Variants in STEAP1B observed in about 807,000 individuals in gnomAD.
The protein encoded by STEAP1B is STEAP family member 1B.
STEAP1B carries 13 observed loss-of-function variants against 27.9 expected under a neutral mutation model. The observed-to-expected ratio is 0.47, with a 90% confidence interval of 0.30 to 0.74. STEAP1B has a LOEUF of 0.74. Ranked by LOEUF, STEAP1B falls within the 30% of genes least tolerant of loss-of-function variation. The pLI is 0.06. For missense variants in STEAP1B, 250 were observed against 298.7 expected (o/e 0.84, Z 1.20); for synonymous variants, 86 against 107.1 (o/e 0.80, Z 1.22).
At chr7:22,420,535 T>C (rs1223085133) in intron 4 of STEAP1B, among the ~76,000 whole-genome samples, 2 of 152,224 alleles carry the variant, frequency 1.3e-5, no homozygotes, top group African/African-American at 4.8e-5. Context: ...CCAGAGCAAT[T>C]GGTGAAGCTA....
chr7:22,454,864 TA>T (rs1418551165), intron 4 of STEAP1B, among the ~76,000 whole-genome samples: 1,330 of 65,756 alleles, frequency 0.02, 17 homozygotes, highest in Admixed American at 0.07. Flanking sequence ...TATATATATA[TA>T]TTTTTTTTTT....
At position 22,456,967 on chromosome 7, in the gene STEAP1B, TATATA is replaced by T. The variant is rs139153628; in HGVS notation, c.762+35593_762+35597del. Among the ~76,000 whole-genome samples the T allele has an allele frequency of 9.1e-3, 450 of 49,520 alleles. 44 individuals carry two copies. Among genetic ancestry groups the T allele is most frequent in the East Asian group, 0.02 (22 of 1,082 alleles). 32.5% of individuals were successfully genotyped at this position (49,520 alleles called of 152,430 possible). A position where few individuals can be genotyped will look rare whatever the true frequency, so the allele number is the denominator to read the frequency against. On this transcript the variant is annotated intron_variant, in intron 4 of 4. Transcript: ENST00000678116. Reference sequence around the variant, plus strand: ...GGATAGGCAGCTATATATATATATATATATATTTTTTTTTTTTTTAAGTATCCTGG... The same window carrying T: ...GGATAGGCAGCTATATATATATATATTTTTTTTTTTTTTTAAGTATCCTGG...
intron 4 of STEAP1B, among the ~76,000 whole-genome samples, chr7:22,463,244 AC>A (rs1486323945): frequency 1.3e-5 from 2 of 151,846 alleles, no homozygotes; most frequent in African/African-American, 4.8e-5. Flanking sequence ...AATCCAACTT[AC>A]AAGGGATGTG....
At chr7:22,482,260 G>A (rs1017920611) in intron 4 of STEAP1B, among the ~76,000 whole-genome samples, 6 of 152,132 alleles carry the variant, frequency 3.9e-5, no homozygotes, top group African/African-American at 1.4e-4. Context: ...TGATTTACTG[G>A]GGGTATGCTC....
At chr7:22,462,681 G>A (rs578025117) in intron 4 of STEAP1B, among the ~76,000 whole-genome samples, 162 of 148,914 alleles carry the variant, frequency 1.1e-3, no homozygotes, top group Admixed American at 1.7e-3. Flanking sequence ...GAATAATGCC[G>A]CAATAAACAT....
rs779574852 is a variant in STEAP1B, at chr7:22,494,900, A to C, written c.-31-14T>G. 5.6e-5 allele frequency: 71 copies of C among 1,274,694 alleles called. No homozygotes were observed. In the East Asian group the frequency reaches 1.7e-3, roughly 31 times the overall value. The allele number at this position is 1,274,694 out of a possible 1,614,324, so 79.0% of individuals were successfully genotyped here. On this transcript the variant is annotated splice_polypyrimidine_tract_variant and intron_variant, in intron 1 of 4. Transcript: ENST00000678116. ...GGCTTCAGCCACCTGTAAAAATAAA[A>C]ATAATTACTTTCATGTCTATTCTAC...
chr7:22,419,861 G>A (rs1226649021), intron 4 of STEAP1B, 25 bp from the exon 5 acceptor site: 5 of 1,548,276 alleles, frequency 3.2e-6, no homozygotes, highest in East Asian at 4.9e-5. Context: ...GCAAGAAAGA[G>A]TTGATGTATA....
chr7:22,438,815 G>C (rs1785289810), intron 4 of STEAP1B: 3 of 1,486,826 alleles, frequency 2.0e-6, no homozygotes, highest in Admixed American at 2.5e-5. Flanking sequence ...GGAATTAAAA[G>C]CCCTGTGATA....
chr7:22,470,581 C>T (rs906591170), intron 4 of STEAP1B, among the ~76,000 whole-genome samples: 3 of 152,108 alleles, frequency 2.0e-5, no homozygotes, highest in African/African-American at 7.2e-5. Flanking sequence ...GACCAGCCAA[C>T]ATGGTAAAAC....
chr7:22,438,391 G>A, intron 4 of STEAP1B: 5 of 1,317,870 alleles, frequency 3.8e-6, no homozygotes, highest in Non-Finnish European at 5.1e-6. Context: ...AGTAAGTTTG[G>A]TAGATGTCCA....
intron 4 of STEAP1B, among the ~76,000 whole-genome samples, chr7:22,425,090 C>T (rs1186681865): frequency 6.6e-6 from 1 of 152,126 alleles, no homozygotes; most frequent in Non-Finnish European, 1.5e-5. Flanking sequence ...TGGAACTCTT[C>T]AAAGCAAAAG....
intron 4 of STEAP1B, among the ~76,000 whole-genome samples, chr7:22,483,841 G>A (rs1786128464): frequency 6.6e-6 from 1 of 152,148 alleles, no homozygotes; most frequent in Non-Finnish European, 1.5e-5. Flanking sequence ...CATTTATTAA[G>A]TTCACTGTCT....
intron 4 of STEAP1B, among the ~76,000 whole-genome samples, chr7:22,457,519 G>A (rs2128406778): frequency 6.6e-6 from 1 of 152,330 alleles, no homozygotes; most frequent in Non-Finnish European, 1.5e-5. Context: ...AAGCATAACT[G>A]CACACTAGGA....
At chr7:22,438,779 C>G in intron 4 of STEAP1B, 1 of 1,537,362 alleles carries the variant, frequency 6.5e-7, no homozygotes, top group Non-Finnish European at 8.8e-7. Context: ...AGAAATGATA[C>G]ATTTGGTGCC....
At chr7:22,428,221 G>A (rs995329997) in intron 4 of STEAP1B, among the ~76,000 whole-genome samples, 3 of 152,184 alleles carry the variant, frequency 2.0e-5, no homozygotes, top group Non-Finnish European at 2.9e-5. Context: ...TTCTGTCCTG[G>A]GGGTGCTGAG....
intron 4 of STEAP1B, among the ~76,000 whole-genome samples, chr7:22,437,017 A>G (rs1483162955): frequency 1.3e-5 from 2 of 152,372 alleles, no homozygotes; most frequent in African/African-American, 4.8e-5. Flanking sequence ...GGATCTAATT[A>G]AACAGCTTCT....
intron 4 of STEAP1B, among the ~76,000 whole-genome samples, chr7:22,470,766 G>A (rs186660202): frequency 2.0e-5 from 3 of 152,248 alleles, no homozygotes; most frequent in Admixed American, 2.0e-4. Flanking sequence ...TAGTTTTCAT[G>A]AACATTCTGT....
intron 4 of STEAP1B, among the ~76,000 whole-genome samples, chr7:22,422,306 A>C (rs1785053480): frequency 6.6e-6 from 1 of 152,188 alleles, no homozygotes; most frequent in African/African-American, 2.4e-5. Context: ...GTTGCCCATG[A>C]CTTTGTGCTC....
chr7:22,451,021 C>G (rs1001616866), intron 4 of STEAP1B, among the ~76,000 whole-genome samples: 1 of 152,122 alleles, frequency 6.6e-6, no homozygotes, highest in Non-Finnish European at 1.5e-5. Context: ...ATGGTGAAAC[C>G]TTGTCTCCAC....
Sources: allele counts gnomAD v4.1 joint callset (sites outside exome capture counted in the v4.1 genomes callset), GRCh38; gene constraint gnomAD v4.1.1; transcripts MANE v1.5; gene names NCBI Gene and HGNC (gene_info 2026-07-23, HGNC 2026-07-21).